The following MTRF1 variants were observed in gnomAD, a reference collection of about 807,000 sequenced individuals.
The protein encoded by MTRF1 is peptide chain release factor 1, mitochondrial.
Under a neutral mutation model 62.9 loss-of-function variants are expected in MTRF1, and 51 were observed. The observed-to-expected ratio is 0.81, with a 90% confidence interval of 0.65 to 1.02. The LOEUF (loss-of-function observed/expected upper bound fraction) is 1.02. MTRF1 is among the 50% of genes least tolerant of loss of function. The pLI is 0.00. For synonymous variants in MTRF1, 158 were observed against 181.9 expected (o/e 0.87, Z 1.06); for missense variants, 446 against 530.0 (o/e 0.84, Z 1.56).
intron 7 of MTRF1, chr13:41,229,287 A>G (rs1384259884): frequency 6.6e-6 from 1 of 152,268 alleles, no homozygotes; most frequent in Non-Finnish European, 1.5e-5. Flanking sequence ...CAGGGTAATT[A>G]GCACATCCAT....
At chr13:41,230,792 G>A (rs894376337) in intron 7 of MTRF1, among the ~76,000 whole-genome samples, 2 of 148,632 alleles carry the variant, frequency 1.3e-5, no homozygotes, top group African/African-American at 2.5e-5. Flanking sequence ...GCATGATCTC[G>A]GCTCACTGCA....
intron 6 of MTRF1, among the ~76,000 whole-genome samples, chr13:41,234,461 G>A (rs1046739873): frequency 4.6e-5 from 7 of 152,114 alleles, no homozygotes; most frequent in South Asian, 2.1e-4. Context: ...TTACAGACAT[G>A]AGCCACCACA....
At chr13:41,273,089 G>A in the MTRF1 span, among the ~76,000 whole-genome samples, 5 of 151,036 alleles carry the variant, frequency 3.3e-5, no homozygotes, top group Non-Finnish European at 7.4e-5. Flanking sequence ...GACTTTGGGA[G>A]GCCGAGGCGG....
At chr13:41,298,475 C>A in the MTRF1 span, among the ~76,000 whole-genome samples, 1 of 12,204 alleles carries the variant, frequency 8.2e-5, no homozygotes, top group Non-Finnish European at 1.8e-4. Context: ...AACTACTTTT[C>A]GAAAACGAAG....
intron 2 of MTRF1, among the ~76,000 whole-genome samples, chr13:41,255,715 G>A (rs2039623312): frequency 6.6e-6 from 1 of 151,970 alleles, no homozygotes; most frequent in Admixed American, 6.6e-5. Context: ...TACATATCAC[G>A]TGTGTCAGAC....
the MTRF1 span, among the ~76,000 whole-genome samples, chr13:41,272,056 A>G: frequency 2.6e-5 from 4 of 152,192 alleles, no homozygotes. Context: ...TACACATGCC[A>G]CAGTCAAATC....
intron 2 of MTRF1, among the ~76,000 whole-genome samples, chr13:41,258,563 T>TA (rs1180583583): frequency 2.8e-4 from 20 of 70,474 alleles, no homozygotes; most frequent in South Asian, 8.9e-4. Flanking sequence ...GACCATCTCT[T>TA]AAAAAAAAAA....
intron 5 of MTRF1, among the ~76,000 whole-genome samples, chr13:41,244,338 G>T (rs2037946083): frequency 1.3e-5 from 2 of 152,132 alleles, no homozygotes; most frequent in South Asian, 4.1e-4. Context: ...TGCCTAATGG[G>T]TCTTTTCCCT....
chr13:41,223,104 TAA>T (rs1470490297), intron 9 of MTRF1, 150 bp downstream of exon 9: 1 of 538,058 alleles, frequency 1.9e-6, no homozygotes, highest in African/African-American at 1.9e-5. Flanking sequence ...AGCAAACTAA[TAA>T]AAGTGTTTGT....
chr13:41,226,403 A>G, intron 8 of MTRF1, 29 bp downstream of exon 8: 1 of 1,591,324 alleles, frequency 6.3e-7, no homozygotes, highest in Non-Finnish European at 8.5e-7. Context: ...TTAAACAGTC[A>G]CTAAATTATT....
chr13:41,303,240 T>C, the MTRF1 span, among the ~76,000 whole-genome samples: 1 of 152,168 alleles, frequency 6.6e-6, no homozygotes, highest in African/African-American at 2.4e-5. Context: ...TTTCAACTGT[T>C]AAAGTAGGAA....
chr13:41,286,532 G>A, the MTRF1 span, among the ~76,000 whole-genome samples: 1 of 151,984 alleles, frequency 6.6e-6, no homozygotes, highest in African/African-American at 2.4e-5. Context: ...GGCAAAATGG[G>A]GATTTAAAAA....
the MTRF1 span, among the ~76,000 whole-genome samples, chr13:41,287,425 C>T: frequency 3.3e-5 from 5 of 152,010 alleles, no homozygotes; most frequent in African/African-American, 4.8e-5. Flanking sequence ...GAGGGATCTG[C>T]CCCCATGATC....
In MTRF1 at chr13:41,260,866, A is replaced by C; in HGVS notation, c.42T>G (p.Ser14=). ...TGTGACACTGGAGGTAACCATTAAG[A>C]GATGGATGTCTAAAAAGCCAAACAC... ...HLCVWLFRHP[S]LNGYLQCHIQ... Residue 14 remains serine, a synonymous_variant, in exon 2 of 10, where the codon TCT becomes TCG. Coordinates refer to ENST00000379480, the MANE Select transcript of MTRF1 (RefSeq NM_004294.4). The C allele has an allele frequency of 5.0e-6, 8 of 1,611,228 alleles. No individual in the cohort carries two copies. Among genetic ancestry groups the C allele is most frequent in the Non-Finnish European group, 6.8e-6 (8 of 1,177,676 alleles).
the MTRF1 span, among the ~76,000 whole-genome samples, chr13:41,307,315 C>A: frequency 6.6e-6 from 1 of 152,106 alleles, no homozygotes; most frequent in Non-Finnish European, 1.5e-5. Flanking sequence ...TGAGTTCTCA[C>A]GATCTAGTTG....
At chr13:41,302,824 C>T in the MTRF1 span, among the ~76,000 whole-genome samples, 48 of 152,156 alleles carry the variant, frequency 3.2e-4, no homozygotes, top group African/African-American at 1.1e-3. Context: ...TGCGCCTGGC[C>T]TAGATCTAGA....
chr13:41,281,248 G>A, the MTRF1 span, among the ~76,000 whole-genome samples: 2 of 152,214 alleles, frequency 1.3e-5, no homozygotes, highest in African/African-American at 4.8e-5. Context: ...CTCTGAGGAG[G>A]AGATTTTCCC....
the MTRF1 span, among the ~76,000 whole-genome samples, chr13:41,273,288 T>A: frequency 3.4e-5 from 5 of 149,030 alleles, no homozygotes; most frequent in Admixed American, 6.7e-5. Context: ...ATCGCGCCAC[T>A]GCACTCCAGC....
chr13:41,295,802 G>C, the MTRF1 span, among the ~76,000 whole-genome samples: 2 of 152,102 alleles, frequency 1.3e-5, no homozygotes, highest in Admixed American at 1.3e-4. Flanking sequence ...TTTGTTTTGA[G>C]ATAGGATCTT....
Sources: gnomAD v4.1 joint callset for allele counts (sites outside exome capture counted in the v4.1 genomes callset) on GRCh38, gnomAD v4.1.1 for gene constraint, MANE v1.5 for transcripts, NCBI Gene and HGNC (gene_info 2026-07-23, HGNC 2026-07-21) for gene names.